Variants in CDH6 observed in about 807,000 individuals in gnomAD.
The protein encoded by CDH6 is cadherin-6.
CDH6 carries 31 observed loss-of-function variants against 78.0 expected under a neutral mutation model. That is an observed-to-expected ratio of 0.40 (90% CI 0.30 to 0.54). CDH6 has a LOEUF of 0.54. Ranked by LOEUF, CDH6 falls within the 20% of genes least tolerant of loss-of-function variation. CDH6 has a pLI of 0.56. For synonymous variants in CDH6, 376 were observed against 368.8 expected, an observed-to-expected ratio of 1.02 and a Z score of -0.23; for missense variants, 724 against 975.9, an observed-to-expected ratio of 0.74 and a Z score of 3.44.
intron 1 of CDH6, among the ~76,000 whole-genome samples, chr5:31,241,790 G>A (rs1483392701): frequency 6.6e-6 from 1 of 152,180 alleles, no homozygotes; most frequent in African/African-American, 2.4e-5. Context: ...GACCTTTGGA[G>A]GTCAAAACTA....
At chr5:31,299,663 A>G (rs373866360) in intron 5 of CDH6, 32 bp downstream of exon 5, 163 of 1,563,834 alleles carry the variant, frequency 1.0e-4, no homozygotes, top group Non-Finnish European at 1.3e-4. Context: ...AATTTCTTCA[A>G]TGTGCTTTTA....
At chr5:31,236,299 G>A (rs1741452450) in intron 1 of CDH6, among the ~76,000 whole-genome samples, 1 of 152,088 alleles carries the variant, frequency 6.6e-6, no homozygotes, top group East Asian at 1.9e-4. Context: ...GTACTCTATA[G>A]TTTACTAATA....
In CDH6 at chr5:31,327,600, G is replaced by A; in HGVS notation, c.*4292G>A. ...ATAAGAGTAGAAAAATTAACACTTG[G>A]TGTGTGAATCTTCAGGAAAATGAGC... On this transcript the variant is annotated 3_prime_UTR_variant, in exon 12 of 12. Coordinates refer to ENST00000265071, the MANE Select transcript of CDH6 (RefSeq NM_004932.4). The A allele has an allele frequency of 5.1e-6, 1 of 197,162 alleles. No individual in the cohort carries two copies. Among genetic ancestry groups the A allele is most frequent in the Admixed American group, 6.1e-5 (1 of 16,498 alleles). 12.2% of individuals were successfully genotyped at this position (197,162 alleles called of 1,614,324 possible). A position where few individuals can be genotyped will look rare whatever the true frequency, so the allele number is the denominator to read the frequency against.
intron 2 of CDH6, among the ~76,000 whole-genome samples, chr5:31,290,842 G>A (rs142342701): frequency 5.8e-4 from 88 of 152,298 alleles, no homozygotes; most frequent in African/African-American, 2.0e-3. Flanking sequence ...ACGATGCAAA[G>A]AGAAGAGATA....
intron 1 of CDH6, among the ~76,000 whole-genome samples, chr5:31,226,334 C>T (rs1321153027): frequency 6.6e-6 from 1 of 152,078 alleles, no homozygotes; most frequent in Non-Finnish European, 1.5e-5. Context: ...ACCACCACGC[C>T]CAGCTAATTT....
intron 7 of CDH6, among the ~76,000 whole-genome samples, chr5:31,308,369 T>C (rs1738049872): frequency 6.6e-6 from 1 of 151,170 alleles, no homozygotes; most frequent in Non-Finnish European, 1.5e-5. Flanking sequence ...GAACCACAAA[T>C]CTTCCTGACT....
chr5:31,287,979 A>T (rs1428445276), intron 2 of CDH6, among the ~76,000 whole-genome samples: 2 of 152,344 alleles, frequency 1.3e-5, no homozygotes. Flanking sequence ...ATATGAGGTT[A>T]TTCTAGAACC....
intron 7 of CDH6, among the ~76,000 whole-genome samples, chr5:31,306,351 T>C (rs1032805426): frequency 6.6e-6 from 1 of 152,208 alleles, no homozygotes; most frequent in Non-Finnish European, 1.5e-5. Context: ...TAGTTGTAAA[T>C]CATGTTGCAG....
chr5:31,287,219 CAA>C (rs1382897645), intron 2 of CDH6, among the ~76,000 whole-genome samples: 5 of 152,022 alleles, frequency 3.3e-5, no homozygotes. Flanking sequence ...AGACAAGGAC[CAA>C]AGACACAGGC....
At chr5:31,232,964 C>A (rs907105910) in intron 1 of CDH6, among the ~76,000 whole-genome samples, 1 of 152,122 alleles carries the variant, frequency 6.6e-6, no homozygotes, top group Non-Finnish European at 1.5e-5. Flanking sequence ...GTTAAATAAC[C>A]TTTCAAAGGT....
At chr5:31,321,361 T>C (rs1469309645) in intron 11 of CDH6, among the ~76,000 whole-genome samples, 7 of 152,182 alleles carry the variant, frequency 4.6e-5, no homozygotes, top group Non-Finnish European at 8.8e-5. Flanking sequence ...CCTTTGGAAA[T>C]AGTCTATACT....
At chr5:31,313,498 G>A (rs1198580086) in intron 8 of CDH6, 44 bp downstream of exon 8, 2 of 1,562,122 alleles carry the variant, frequency 1.3e-6, no homozygotes, top group African/African-American at 1.4e-5. Context: ...TTAATAGACT[G>A]AGTGTCCCAG....
Position 31,304,702 on chromosome 5 carries a change from A to C in CDH6, c.1000-472A>C, listed in dbSNP as rs1016284713. Among the ~76,000 whole-genome samples the C allele has an allele frequency of 2.2e-3, 332 of 151,552 alleles. 1 individual carries two copies. Among genetic ancestry groups the C allele is most frequent in the Non-Finnish European group, 4.1e-3 (281 of 67,796 alleles). On this transcript the variant is annotated intron_variant, in intron 6 of 11. Coordinates refer to ENST00000265071, the MANE Select transcript of CDH6 (RefSeq NM_004932.4). ...CCGTCTCAAAAAAAAAAAAAAAAAAAAAAGCCAGATGTGAGAACATCTGAC... is the reference window on the plus strand; with the variant it reads ...CCGTCTCAAAAAAAAAAAAAAAAAACAAAGCCAGATGTGAGAACATCTGAC...
At chr5:31,212,796 C>T (rs1740749351) in intron 1 of CDH6, among the ~76,000 whole-genome samples, 1 of 151,914 alleles carries the variant, frequency 6.6e-6, no homozygotes, top group African/African-American at 2.4e-5. Context: ...AGCTCCACCA[C>T]CAAAAATGCC....
intron 1 of CDH6, among the ~76,000 whole-genome samples, chr5:31,226,783 C>T (rs888263541): frequency 5.3e-5 from 8 of 152,152 alleles, no homozygotes; most frequent in Non-Finnish European, 1.2e-4. Flanking sequence ...TTTTCAGAAA[C>T]TGTTTGGGAC....
intron 2 of CDH6, among the ~76,000 whole-genome samples, chr5:31,283,173 G>A (rs1324505390): frequency 1.3e-5 from 2 of 152,164 alleles, no homozygotes; most frequent in Non-Finnish European, 2.9e-5. Flanking sequence ...AGGGACAAAG[G>A]ACTCTGCTGA....
At chr5:31,255,498 G>T (rs796635722) in intron 1 of CDH6, among the ~76,000 whole-genome samples, 1 of 152,300 alleles carries the variant, frequency 6.6e-6, no homozygotes, top group South Asian at 2.1e-4. Context: ...GATATTTTAT[G>T]TGCAGTTTGA....
intron 9 of CDH6, 32 bp from the exon 10 acceptor site, chr5:31,317,343 A>C: frequency 1.9e-6 from 2 of 1,076,270 alleles, no homozygotes; most frequent in East Asian, 2.4e-5. Context: ...AGTTATCAAA[A>C]TTTTATGGCA....
At chr5:31,281,548 G>A (rs2149940676) in intron 2 of CDH6, among the ~76,000 whole-genome samples, 1 of 152,346 alleles carries the variant, frequency 6.6e-6, no homozygotes, top group African/African-American at 2.4e-5. Flanking sequence ...TGAGACTAAT[G>A]TCACAGTCTG....
Sources: allele counts gnomAD v4.1 joint callset (sites outside exome capture counted in the v4.1 genomes callset), GRCh38; gene constraint gnomAD v4.1.1; transcripts MANE v1.5; gene names NCBI Gene and HGNC (gene_info 2026-07-23, HGNC 2026-07-21).